The following PRR16 variants were observed in gnomAD, a reference collection of about 807,000 sequenced individuals.
The protein encoded by PRR16 is protein Largen.
A neutral mutation model predicts 18.2 loss-of-function variants in PRR16; 6 were observed. That is an observed-to-expected ratio of 0.33 (90% CI 0.18 to 0.65). PRR16 has a LOEUF of 0.65. Among genes scored for constraint, PRR16 ranks in the 30% least tolerant of loss-of-function variants. The pLI is 0.74. For missense variants in PRR16, 412 were observed against 376.6 expected (o/e 1.09, Z -0.78); for synonymous variants, 151 against 147.8 (o/e 1.02, Z -0.16).
At chr5:120,489,517 C>T (rs1749945033) in intron 1 of PRR16, among the ~76,000 whole-genome samples, 1 of 152,168 alleles carries the variant, frequency 6.6e-6, no homozygotes, top group Non-Finnish European at 1.5e-5. Flanking sequence ...AGACCTTCCT[C>T]CATCCCTTTA....
At chr5:120,778,839 C>G in the PRR16 span, among the ~76,000 whole-genome samples, 1 of 152,088 alleles carries the variant, frequency 6.6e-6, no homozygotes, top group Non-Finnish European at 1.5e-5. Flanking sequence ...ATGAAAGCAG[C>G]ATTTGATCGC....
Position 120,503,115 on chromosome 5 carries a change from T to C in PRR16, c.159+38470T>C, listed in dbSNP as rs143996888. ...AAGACATTGAAAGCCCTTCAATAAATCAAAGAAAGTTTAAGAATAAATTAG... is the reference window on the plus strand; with the variant it reads ...AAGACATTGAAAGCCCTTCAATAAACCAAAGAAAGTTTAAGAATAAATTAG... On this transcript the variant is annotated intron_variant, in intron 1 of 1. Coordinates refer to ENST00000407149, the MANE Select transcript of PRR16 (RefSeq NM_001300783.2). 2.7e-3 allele frequency among the ~76,000 whole-genome samples: 417 copies of C among 152,236 alleles called. 15 individuals carry two copies. In the East Asian group the frequency reaches 0.078, roughly 28 times the overall value.
At chr5:120,580,790 G>A (rs572404094) in intron 1 of PRR16, among the ~76,000 whole-genome samples, 40 of 152,030 alleles carry the variant, frequency 2.6e-4, no homozygotes, top group Middle Eastern at 3.2e-3. Context: ...AGATAATGTG[G>A]TTTGTTTTTG....
At chr5:120,502,210 T>A (rs893400585) in intron 1 of PRR16, among the ~76,000 whole-genome samples, 1 of 151,064 alleles carries the variant, frequency 6.6e-6, no homozygotes, top group African/African-American at 2.4e-5. Context: ...TAAAAGAGTA[T>A]ACATCAGAAT....
intron 1 of PRR16, among the ~76,000 whole-genome samples, chr5:120,637,732 G>A (rs1054450535): frequency 9.9e-5 from 15 of 152,058 alleles, no homozygotes; most frequent in African/African-American, 3.4e-4. Flanking sequence ...CAAAATCTCA[G>A]AAATCACCCA....
At chr5:120,764,304 G>GTATTGAGATTATCATATGTTT in the PRR16 span, among the ~76,000 whole-genome samples, 254 of 152,156 alleles carry the variant, frequency 1.7e-3, 2 homozygotes, top group Non-Finnish European at 2.0e-3. Flanking sequence ...TTTTCTGCAT[G>GTATTGAGATTATCATATGTTT]TATTGAGATT....
chr5:120,512,042 G>A (rs939636502), intron 1 of PRR16, among the ~76,000 whole-genome samples: 2 of 133,652 alleles, frequency 1.5e-5, no homozygotes, highest in African/African-American at 6.1e-5. Context: ...TATTTTATTA[G>A]TGTAGTCAAG....
intron 1 of PRR16, among the ~76,000 whole-genome samples, chr5:120,532,029 C>G (rs1201120947): frequency 1.3e-5 from 2 of 152,060 alleles, no homozygotes; most frequent in Non-Finnish European, 2.9e-5. Flanking sequence ...GGGCTCTCTT[C>G]TCATATTATG....
chr5:120,517,079 T>C (rs1339723980), intron 1 of PRR16, among the ~76,000 whole-genome samples: 1 of 152,116 alleles, frequency 6.6e-6, no homozygotes, highest in Admixed American at 6.5e-5. Flanking sequence ...AAAAAATTGC[T>C]AGCAAAAAAA....
At chr5:120,761,202 G>A in the PRR16 span, among the ~76,000 whole-genome samples, 1 of 151,870 alleles carries the variant, frequency 6.6e-6, no homozygotes, top group Admixed American at 6.6e-5. Flanking sequence ...CTCTATGCAT[G>A]GTTCCCTCCA....
chr5:120,756,218 C>T, the PRR16 span, among the ~76,000 whole-genome samples: 1 of 152,086 alleles, frequency 6.6e-6, no homozygotes, highest in Non-Finnish European at 1.5e-5. Context: ...AGGTACTTTC[C>T]ATTTTTCATC....
chr5:120,659,880 T>C (rs549957422), intron 1 of PRR16, among the ~76,000 whole-genome samples: 1 of 152,046 alleles, frequency 6.6e-6, no homozygotes, highest in Non-Finnish European at 1.5e-5. Context: ...ACAGATGTTA[T>C]AGCTGAAACA....
rs1247195926 is a variant in PRR16, at chr5:120,480,841, G to A, written c.159+16196G>A. On this transcript the variant is annotated intron_variant, in intron 1 of 1. Coordinates refer to ENST00000407149, the MANE Select transcript of PRR16 (RefSeq NM_001300783.2). ...ACTGAGCTGAAACAAGATGATGATT[G>A]TCTTAAATTGTGAGGAAAGTAAACC... Among the ~76,000 whole-genome samples the A allele has an allele frequency of 4.6e-5, 7 of 152,246 alleles. No individual in the cohort carries two copies. The East Asian group carries it at 7.7e-4, about 17-fold the overall frequency.
intron 1 of PRR16, among the ~76,000 whole-genome samples, chr5:120,621,103 C>A (rs1754675112): frequency 6.6e-6 from 1 of 152,150 alleles, no homozygotes; most frequent in Admixed American, 6.6e-5. Flanking sequence ...CTTCTTTTCA[C>A]TATCTTCACT....
At chr5:120,772,606 AC>A in the PRR16 span, among the ~76,000 whole-genome samples, 1 of 152,084 alleles carries the variant, frequency 6.6e-6, no homozygotes, top group East Asian at 1.9e-4. Context: ...AGACTAGTCA[AC>A]CACCTAGAAG....
chr5:120,504,489 C>T (rs1750575815), intron 1 of PRR16, among the ~76,000 whole-genome samples: 1 of 151,298 alleles, frequency 6.6e-6, no homozygotes, highest in Non-Finnish European at 1.5e-5. Flanking sequence ...TTGAGACTGC[C>T]TGCTTTGAAG....
At chr5:120,601,889 C>T (rs9717178) in intron 1 of PRR16, among the ~76,000 whole-genome samples, 130,431 of 151,924 alleles carry the variant, frequency 0.86, 56,189 homozygotes, top group Admixed American at 0.92. Flanking sequence ...AGTGGCTTTA[C>T]TTCTGGGTTC....
chr5:120,638,872 T>C (rs550114224), intron 1 of PRR16, among the ~76,000 whole-genome samples: 4 of 152,090 alleles, frequency 2.6e-5, no homozygotes, highest in Middle Eastern at 3.2e-3. Flanking sequence ...ATGGCCCCAA[T>C]ATAATGAATC....
chr5:120,715,546 G>A, the PRR16 span, among the ~76,000 whole-genome samples: 1 of 152,118 alleles, frequency 6.6e-6, no homozygotes, highest in African/African-American at 2.4e-5. Context: ...GGACTATTGT[G>A]TGTTAACAAA....
Sources: allele counts gnomAD v4.1 joint callset (sites outside exome capture counted in the v4.1 genomes callset), GRCh38; gene constraint gnomAD v4.1.1; transcripts MANE v1.5; gene names NCBI Gene and HGNC (gene_info 2026-07-23, HGNC 2026-07-21).